ESYT3: variants seen among roughly 807,000 people sequenced by gnomAD.
ESYT3 encodes the protein extended synaptotagmin-3.
ESYT3 carries 101 observed loss-of-function variants against 111.5 expected under a neutral mutation model. The observed-to-expected ratio is 0.91, with a 90% CI of 0.77 to 1.07. ESYT3 has a LOEUF of 1.07. ESYT3 is among the 50% of genes least tolerant of loss of function. The pLI, the probability that ESYT3 is intolerant of heterozygous loss-of-function variation, is 0.00. For synonymous variants in ESYT3, 416 were observed against 446.8 expected (o/e 0.93, Z 0.87); for missense variants, 1,097 against 1,109.4 (o/e 0.99, Z 0.16).
intron 18 of ESYT3, 137 bp downstream of exon 18, chr3:138,472,996 G>C: frequency 1.3e-6 from 2 of 1,497,934 alleles, no homozygotes; most frequent in Non-Finnish European, 1.8e-6. Flanking sequence ...GCAGCATGGT[G>C]TGGTAGAAAG....
intron 17 of ESYT3, among the ~76,000 whole-genome samples, chr3:138,471,781 T>C (rs2033232724): frequency 6.6e-6 from 1 of 152,202 alleles, no homozygotes; most frequent in Admixed American, 6.5e-5. Flanking sequence ...TTTTTGTGTA[T>C]ATTTCTTAAC....
In ESYT3 at chr3:138,477,726, C is replaced by T. The variant is rs998230558; in HGVS notation, c.*872C>T. 6.6e-6 allele frequency: 1 copy of T among 152,142 alleles called. No homozygotes were observed. The highest frequency in any genetic ancestry group is 2.4e-5 in the African/African-American group (1 of 41,432). The allele number at this position is 152,142 out of a possible 1,614,324, so 9.4% of individuals were successfully genotyped here. A position where few individuals can be genotyped will look rare whatever the true frequency, so the allele number is the denominator to read the frequency against. On this transcript the variant is annotated 3_prime_UTR_variant, in exon 23 of 23. Transcript: ENST00000389567. ...GTTCACCTAAATAACATGTTAAAAG[C>T]AAAGTATTAAATTATATGCTTAAAC...
intron 20 of ESYT3, among the ~76,000 whole-genome samples, chr3:138,475,464 G>C (rs1273918385): frequency 6.6e-6 from 1 of 152,186 alleles, no homozygotes; most frequent in Non-Finnish European, 1.5e-5. Context: ...CTAAAAGTAA[G>C]AGGTTTCCTC....
rs532368394 is a variant in ESYT3 at position 138,473,519 on chromosome 3, G to A, written c.2238-17G>A. 14 of 1,608,860 alleles carry A rather than the reference G, an allele frequency of 8.7e-6. No homozygotes were observed. The South Asian group carries it at 1.4e-4, about 16-fold the overall frequency. ...TGCTTGTTATGGCGAGAGAAGTGATGGGCTCTTTCTTTACAGAGGTGGGGA... is the reference window on the plus strand; with the variant it reads ...TGCTTGTTATGGCGAGAGAAGTGATAGGCTCTTTCTTTACAGAGGTGGGGA... On this transcript the variant is annotated splice_polypyrimidine_tract_variant and intron_variant, in intron 18 of 22. Transcript: ENST00000389567.
intron 3 of ESYT3, among the ~76,000 whole-genome samples, chr3:138,456,005 G>A (rs1316371233): frequency 6.6e-6 from 1 of 152,204 alleles, no homozygotes; most frequent in African/African-American, 2.4e-5. Context: ...CAGTAAATGA[G>A]AGGCACTGGC....
chr3:138,436,953 T>A (rs1576412803), intron 1 of ESYT3, among the ~76,000 whole-genome samples: 1 of 151,488 alleles, frequency 6.6e-6, no homozygotes, highest in East Asian at 1.9e-4. Flanking sequence ...GTGGACACCC[T>A]CCCTGCCTCT....
chr3:138,440,286 C>T lies in ESYT3; in HGVS notation c.327+5161C>T, dbSNP rs527659257. 7.4e-4 allele frequency among the ~76,000 whole-genome samples: 112 copies of T among 152,360 alleles called. 1 individual carries two copies. Among genetic ancestry groups the T allele is most frequent in the Admixed American group, 6.3e-3 (97 of 15,308 alleles). ...CGCAGAGCAGTGGTCCCTGGGATTGCTCCCTCCAAGCCTCCCTGCCAGCCA... is the reference window on the plus strand; with the variant it reads ...CGCAGAGCAGTGGTCCCTGGGATTGTTCCCTCCAAGCCTCCCTGCCAGCCA... On this transcript the variant is annotated intron_variant, in intron 1 of 22. Transcript: ENST00000389567. This position sits in a 1 kb window ranked among gnomAD's most constrained non-coding sequence, Gnocchi z 4.2.
At chr3:138,462,544 A>C in intron 8 of ESYT3, 1 of 460,694 alleles carries the variant, frequency 2.2e-6, no homozygotes. Flanking sequence ...AATTATGTAA[A>C]GTAGTTGTAC....
At chr3:138,443,510 C>A (rs1390690859) in intron 1 of ESYT3, among the ~76,000 whole-genome samples, 1 of 152,122 alleles carries the variant, frequency 6.6e-6, no homozygotes, top group East Asian at 1.9e-4. Context: ...CCAATGGCCT[C>A]CTTTTGTAGG....
chr3:138,453,466 AG>A (rs2032073346), intron 2 of ESYT3, among the ~76,000 whole-genome samples: 1 of 152,216 alleles, frequency 6.6e-6, no homozygotes, highest in African/African-American at 2.4e-5. Context: ...GACCCAAGAA[AG>A]TAGAACCTGG....
In ESYT3 at chr3:138,457,620, G is replaced by A. The variant is rs1273865636; in HGVS notation, c.557G>A (p.Arg186His). Residue 186 changes from arginine to histidine, a missense_variant, in exon 4 of 23, where the codon CGT (arginine) becomes CAT (histidine). Physicochemically the swap from Arg to His is conservative, Grantham distance 29. Coordinates refer to ENST00000389567, the MANE Select transcript of ESYT3 (RefSeq NM_031913.5). The part of the protein sequence containing the change: ...KAHTNTCNRR[R>H]VTVDLQICYI... ...CACACTAATACGTGCAACCGAAGAC[G>A]TGTGACTGTGGACCTGCAGATCTGG... 1.4e-5 allele frequency: 23 copies of A among 1,614,206 alleles called. No homozygotes were observed. In the East Asian group the frequency reaches 3.6e-4, roughly 25 times the overall value.
At chr3:138,462,333 A>G (rs955342621) in intron 8 of ESYT3, 127 bp downstream of exon 8, 1 of 1,322,664 alleles carries the variant, frequency 7.6e-7, no homozygotes, top group Non-Finnish European at 1.1e-6. Context: ...AAATGGTACA[A>G]ACACCATCGC....
rs201756576 is a variant in ESYT3 at position 138,476,310 on chromosome 3, A to G, written c.2556A>G (p.Arg852=). 6.2e-7 allele frequency: 1 copy of G among 1,613,470 alleles called. No homozygotes were observed. The highest frequency in any genetic ancestry group is 2.2e-5 in the East Asian group (1 of 44,856). Residue 852 remains arginine, a synonymous_variant, in exon 21 of 23, where the codon AGA becomes AGG. Coordinates refer to ENST00000389567, the MANE Select transcript of ESYT3 (RefSeq NM_031913.5). Reference sequence around the variant, plus strand: ...ATAGTAGGCCACTTGGCTCACACAGAAGAAAGGAGTTAGGAAAAGTAAGTA... The same window carrying G: ...ATAGTAGGCCACTTGGCTCACACAGGAGAAAGGAGTTAGGAAAAGTAAGTA... ...VKNSRPLGSH[R]RKELGKVLID... is the part of the protein sequence containing the mutation.
Position 138,435,168 on chromosome 3 carries a change from T to C in ESYT3, c.327+43T>C. 6.7e-7 allele frequency: 1 copy of C among 1,494,188 alleles called. No individual in the cohort carries two copies. Among genetic ancestry groups the C allele is most frequent in the Non-Finnish European group, 9.0e-7 (1 of 1,116,780 alleles). 92.6% of individuals were successfully genotyped at this position (1,494,188 alleles called of 1,614,324 possible). On this transcript the variant is annotated intron_variant, in intron 1 of 22. Transcript: ENST00000389567. This position sits in a 1 kb window ranked among gnomAD's most constrained non-coding sequence, Gnocchi z 4.8. ...GGAGTGGGAGGTGGGGAGATGCCTT[T>C]CGAGGTTCGGAGGAACTTGCGGTCA...
At chr3:138,441,775 G>A (rs1471646252) in intron 1 of ESYT3, among the ~76,000 whole-genome samples, 2 of 152,108 alleles carry the variant, frequency 1.3e-5, no homozygotes, top group Non-Finnish European at 2.9e-5. Context: ...TATTGAAGAG[G>A]GATTTAAGAT....
chr3:138,478,743 T>C lies in ESYT3; in HGVS notation c.*1889T>C, dbSNP rs1276494189. The C allele has an allele frequency of 2.0e-5, 3 of 152,182 alleles. No individual in the cohort carries two copies. Among genetic ancestry groups the C allele is most frequent in the Non-Finnish European group, 2.9e-5 (2 of 68,034 alleles). 9.4% of individuals were successfully genotyped at this position (152,182 alleles called of 1,614,324 possible). ...ACACAGCAGACAGGAGGCAAGGTTA[T>C]ATAGGCGCTGTGTGAGGGGCAGGGA... On this transcript the variant is annotated 3_prime_UTR_variant, in exon 23 of 23. Coordinates refer to ENST00000389567, the MANE Select transcript of ESYT3 (RefSeq NM_031913.5).
At chr3:138,442,453 C>T (rs549742749) in intron 1 of ESYT3, among the ~76,000 whole-genome samples, 4 of 152,272 alleles carry the variant, frequency 2.6e-5, no homozygotes, top group South Asian at 2.1e-4. Context: ...CCTGGTCACA[C>T]GGCTAGCGGA....
chr3:138,464,495 A>C lies in ESYT3; in HGVS notation c.1066A>C (p.Thr356Pro), dbSNP rs774018318. Residue 356 changes from threonine (T) to proline (P), a missense_variant, in exon 9 of 23, where the codon ACC becomes CCC. By Grantham distance (38) the Thr-to-Pro change is conservative. Coordinates refer to ENST00000389567, the MANE Select transcript of ESYT3 (RefSeq NM_031913.5). ...GACCATCTACAGGAACCTGAACCCC[A>C]CCTGGAACGAAGTGTTTGAGGTAAG... The part of the protein sequence containing the change: ...SRTIYRNLNP[T>P]WNEVFEFMVY... The C allele has an allele frequency of 2.5e-6, 4 of 1,613,908 alleles. No individual in the cohort carries two copies. Among genetic ancestry groups the C allele is most frequent in the African/African-American group, 1.3e-5 (1 of 74,886 alleles).
intron 15 of ESYT3, 46 bp from the exon 16 acceptor site, chr3:138,470,014 C>G: frequency 6.4e-7 from 1 of 1,560,840 alleles, no homozygotes; most frequent in South Asian, 1.1e-5. Context: ...GTATCCAGCT[C>G]TGCCCAACCT....
Sources: gnomAD v4.1 joint callset for allele counts (sites outside exome capture counted in the v4.1 genomes callset) on GRCh38, gnomAD v4.1.1 for gene constraint, Gnocchi (gnomAD v3.1) non-coding constraint, MANE v1.5 for transcripts, NCBI Gene and HGNC (gene_info 2026-07-23, HGNC 2026-07-21) for gene names.